Variants in CCDC192 observed in about 807,000 individuals in gnomAD.
The protein encoded by CCDC192 is coiled-coil domain-containing protein 192.
intron 5 of CCDC192, among the ~76,000 whole-genome samples, chr5:127,852,872 A>G (rs1750863066): frequency 6.6e-6 from 1 of 152,132 alleles, no homozygotes; most frequent in East Asian, 1.9e-4. Flanking sequence ...AGGCGGGCAG[A>G]TGGTCAGGAG....
chr5:127,884,830 C>T (rs1752502465), intron 6 of CCDC192, among the ~76,000 whole-genome samples: 1 of 152,224 alleles, frequency 6.6e-6, no homozygotes, highest in African/African-American at 2.4e-5. Flanking sequence ...CAACATTTCT[C>T]TTCTTTTTTC....
At chr5:127,856,843 TG>T (rs1751120856) in intron 5 of CCDC192, among the ~76,000 whole-genome samples, 2 of 152,206 alleles carry the variant, frequency 1.3e-5, no homozygotes, top group South Asian at 4.1e-4. Flanking sequence ...GTACAGTTTG[TG>T]GTGCCCCAAA....
intron 2 of CCDC192, among the ~76,000 whole-genome samples, chr5:127,735,608 C>T (rs1433784240): frequency 8.6e-6 from 1 of 116,778 alleles, no homozygotes; most frequent in Non-Finnish European, 1.7e-5. Flanking sequence ...TTTCCTTGAG[C>T]AGTGGTTTGT....
Position 127,915,740 on chromosome 5 carries a change from C to T in CCDC192, c.536-25442C>T, listed in dbSNP as rs374488752. On this transcript the variant is annotated intron_variant, in intron 6 of 6. Coordinates refer to ENST00000514853, the MANE Select transcript of CCDC192 (RefSeq NM_001317938.2). ...TTCTTTTGCAATTTTTTTTTTTTAG[C>T]TCATCAGCTATTGTTAGTGTATTTT... Among the ~76,000 whole-genome samples the T allele has an allele frequency of 4.6e-5, 7 of 151,714 alleles. No homozygotes were observed. In the East Asian group the frequency reaches 5.8e-4, roughly 13 times the overall value.
chr5:127,729,319 T>G (rs1482110157), intron 2 of CCDC192, among the ~76,000 whole-genome samples: 3 of 152,216 alleles, frequency 2.0e-5, no homozygotes, highest in Non-Finnish European at 4.4e-5. Context: ...CTAACTATCC[T>G]AAATATATAT....
At chr5:127,760,457 C>T (rs758401259) in intron 3 of CCDC192, among the ~76,000 whole-genome samples, 4 of 151,712 alleles carry the variant, frequency 2.6e-5, no homozygotes. Context: ...GGTACTGAAG[C>T]GAGATGAGGT....
chr5:127,714,415 A>C (rs1181007753), intron 2 of CCDC192, among the ~76,000 whole-genome samples: 3 of 152,008 alleles, frequency 2.0e-5, no homozygotes, highest in Admixed American at 6.6e-5. Context: ...TTTAGATAGA[A>C]TCTCACTCTG....
At chr5:127,759,586 G>T (rs1754798620) in intron 3 of CCDC192, among the ~76,000 whole-genome samples, 1 of 152,196 alleles carries the variant, frequency 6.6e-6, no homozygotes, top group South Asian at 2.1e-4. Context: ...ATGCTAGCCA[G>T]TTTATGGTAT....
chr5:127,854,273 A>G (rs1042259001), intron 5 of CCDC192, among the ~76,000 whole-genome samples: 3 of 152,108 alleles, frequency 2.0e-5, no homozygotes, highest in African/African-American at 7.2e-5. Context: ...AATCTCTTCA[A>G]TTAAATGCCT....
chr5:127,793,480 C>A (rs1045906951), intron 3 of CCDC192, among the ~76,000 whole-genome samples: 1 of 152,112 alleles, frequency 6.6e-6, no homozygotes, highest in Non-Finnish European at 1.5e-5. Flanking sequence ...ACGTCACAGG[C>A]CTCATTGTGA....
At chr5:127,793,707 T>A (rs1459231950) in intron 3 of CCDC192, among the ~76,000 whole-genome samples, 1 of 152,220 alleles carries the variant, frequency 6.6e-6, no homozygotes, top group Non-Finnish European at 1.5e-5. Context: ...TGATGTAAGG[T>A]AACATTTATA....
chr5:127,815,650 C>T (rs1321989371), intron 5 of CCDC192, among the ~76,000 whole-genome samples: 1 of 151,934 alleles, frequency 6.6e-6, no homozygotes, highest in Non-Finnish European at 1.5e-5. Flanking sequence ...GGGTGGGTCA[C>T]GAGGTCAGGA....
chr5:127,888,675 A>G (rs1219087716), intron 6 of CCDC192, among the ~76,000 whole-genome samples: 1 of 152,224 alleles, frequency 6.6e-6, no homozygotes, highest in African/African-American at 2.4e-5. Flanking sequence ...CTAATTTTTA[A>G]TAGAATGTAC....
At chr5:127,868,704 C>G (rs999621605) in intron 5 of CCDC192, among the ~76,000 whole-genome samples, 2 of 152,000 alleles carry the variant, frequency 1.3e-5, no homozygotes, top group African/African-American at 4.8e-5. Flanking sequence ...GTCAACATGA[C>G]GAAACCCAGT....
chr5:127,735,330 G>C (rs1213085763), intron 2 of CCDC192, among the ~76,000 whole-genome samples: 1 of 144,774 alleles, frequency 6.9e-6, no homozygotes, highest in African/African-American at 2.7e-5. Flanking sequence ...GGTTACTGTA[G>C]CCTTGTAGTA....
intron 3 of CCDC192, among the ~76,000 whole-genome samples, chr5:127,769,689 G>T (rs1372200420): frequency 6.6e-6 from 1 of 152,156 alleles, no homozygotes; most frequent in Non-Finnish European, 1.5e-5. Flanking sequence ...GTGTTTCAAG[G>T]GGCATGAGGT....
intron 2 of CCDC192, among the ~76,000 whole-genome samples, chr5:127,728,366 C>G (rs1013220790): frequency 6.6e-6 from 1 of 152,164 alleles, no homozygotes; most frequent in Non-Finnish European, 1.5e-5. Flanking sequence ...ACCTTACAAG[C>G]CAGAAAAGAT....
At chr5:127,862,478 A>G (rs532963276) in intron 5 of CCDC192, among the ~76,000 whole-genome samples, 1 of 152,344 alleles carries the variant, frequency 6.6e-6, no homozygotes, top group Admixed American at 6.5e-5. Context: ...TTATAGTTGT[A>G]TATATCAGAA....
chr5:127,739,179 A>G lies in CCDC192; in HGVS notation c.115-15089A>G, dbSNP rs573572178. On this transcript the variant is annotated intron_variant, in intron 2 of 6. Coordinates refer to ENST00000514853, the MANE Select transcript of CCDC192 (RefSeq NM_001317938.2). ...GACCCTCAGCTGCAGGTCTGTTGGA[A>G]TACCCTGCCGTGTGAGGTGTCAGTG... 7.5e-3 allele frequency among the ~76,000 whole-genome samples: 1,146 copies of G among 151,954 alleles called. 7 individuals carry two copies. Among genetic ancestry groups the G allele is most frequent in the Non-Finnish European group, 0.012 (808 of 67,838 alleles).
Sources: gnomAD v4.1 joint callset for allele counts (sites outside exome capture counted in the v4.1 genomes callset) on GRCh38, gnomAD v4.1.1 for gene constraint, MANE v1.5 for transcripts, NCBI Gene and HGNC (gene_info 2026-07-23, HGNC 2026-07-21) for gene names.